Variants in TNS1 observed in about 807,000 individuals in gnomAD.
TNS1 encodes tensin-1.
A neutral mutation model predicts 168.6 loss-of-function variants in TNS1; 62 were observed. The ratio of observed to expected loss-of-function variants is 0.37; its 90% CI spans 0.30 to 0.45. TNS1 has a LOEUF of 0.45. Ranked by LOEUF, TNS1 falls within the 20% of genes least tolerant of loss-of-function variation. The pLI, the probability that TNS1 is intolerant of heterozygous loss-of-function variation, is 1.00. For synonymous variants in TNS1, 934 were observed against 933.2 expected (o/e 1.00, Z -0.02); for missense variants, 2,240 against 2,339.4 (o/e 0.96, Z 0.88).
Position 217,804,580 on chromosome 2 carries a change from T to G in TNS1, c.5399A>C (p.Lys1800Thr). ...PAKLFGFVAR[K>T]QGSTTDNACH... ...GGCGTTGTCCGTGGTGCTGCCCTGC[T>G]TCCGGGCCACGAAGCCGAAGAGCCT... is the stretch of plus-strand genomic sequence containing the variant. The change falls in exon 33 of 33, where the codon AAG (lysine) becomes ACG (threonine). Residue 1800 changes from lysine (K) to threonine (T), a missense_variant. This residue lies in a region of TNS1 where 109 missense variants were observed against 168.1 expected (regional missense o/e 0.65). Coordinates refer to ENST00000682258, the MANE Select transcript of TNS1 (RefSeq NM_001387777.1). The G allele has an allele frequency of 6.2e-7, 1 of 1,614,100 alleles. No homozygotes were observed. Among genetic ancestry groups the G allele is most frequent in the South Asian group, 1.1e-5 (1 of 91,078 alleles).
intron 3 of TNS1, among the ~76,000 whole-genome samples, chr2:217,943,342 A>C (rs2125948322): frequency 6.6e-6 from 1 of 152,272 alleles, no homozygotes; most frequent in Admixed American, 6.5e-5. Flanking sequence ...TCAGGGAGCT[A>C]AGTGAGCCCC....
chr2:218,029,120 A>T (rs889707512), intron 1 of TNS1, among the ~76,000 whole-genome samples: 6 of 152,372 alleles, frequency 3.9e-5, no homozygotes, highest in African/African-American at 1.4e-4. Flanking sequence ...CTGCCCCCAG[A>T]GAGTGAGTAA....
rs149742199 is a variant in TNS1, at chr2:217,877,887, G to A, written c.1429+3011C>T. On this transcript the variant is annotated intron_variant, in intron 18 of 32. Transcript: ENST00000682258. ...ACATCTGCTGCTGACTGCCTGGCTG[G>A]GTGCTCCCTGCCCCCCTCCTCCAAG... Among the ~76,000 whole-genome samples the A allele has an allele frequency of 2.7e-3, 408 of 152,242 alleles. 2 individuals are homozygous for A. The highest frequency in any genetic ancestry group is 9.1e-3 in the African/African-American group (380 of 41,538).
Position 217,800,791 on chromosome 2 carries a change from CAAAAGTAGGAGTGAGACTA to C in TNS1, c.*3649_*3667del, listed in dbSNP as rs1195508495. The C allele has an allele frequency of 1.6e-4, 25 of 151,920 alleles. No individual in the cohort carries two copies. Among genetic ancestry groups the C allele is most frequent in the African/African-American group, 5.8e-4 (24 of 41,286 alleles). 9.4% of individuals were successfully genotyped at this position (151,920 alleles called of 1,614,324 possible). A position where few individuals can be genotyped will look rare whatever the true frequency, so the allele number is the denominator to read the frequency against. On this transcript the variant is annotated 3_prime_UTR_variant, in exon 33 of 33. Transcript: ENST00000682258. ...AGATCCAGGAGGCAGGGGTGGTGGA[CAAAAGTAGGAGTGAGACTA>C]AAAAGTGGGAGTGAGACTAGATTTG... is the stretch of plus-strand genomic sequence containing the variant.
chr2:217,849,221 T>G, intron 18 of TNS1, 134 bp from the exon 19 acceptor site: 1 of 1,085,742 alleles, frequency 9.2e-7, no homozygotes, highest in Non-Finnish European at 1.3e-6. Flanking sequence ...CTCACCACCC[T>G]GAGGTGGGGA....
intron 3 of TNS1, among the ~76,000 whole-genome samples, chr2:217,955,364 A>G (rs1957336766): frequency 6.6e-6 from 1 of 152,244 alleles, no homozygotes. Context: ...CCTCAGAGAC[A>G]TCCACGCAGG....
chr2:217,990,948 A>G lies in TNS1; in HGVS notation c.142T>C (p.Cys48Arg). Residue 48 changes from cysteine (C) to arginine (R), a missense_variant, in exon 2 of 33, where the codon TGC (cysteine) becomes CGC (arginine). Physicochemically the swap from Cys to Arg is radical, Grantham distance 180 (BLOSUM62 -3). This residue lies in a region of TNS1 where 2,131 missense variants were observed against 2,171.2 expected (regional missense o/e 0.98). Coordinates refer to ENST00000682258, the MANE Select transcript of TNS1 (RefSeq NM_001387777.1). Reference sequence around the variant, plus strand: ...AGCCCAGACCGCTGCTCACCTTTGCAGGTGCAGCCTTCCTGGGTGATGACC... The same window carrying G: ...AGCCCAGACCGCTGCTCACCTTTGCGGGTGCAGCCTTCCTGGGTGATGACC... ...RQVITQEGCT[C>R]KVCSFSCHRK... The G allele has an allele frequency of 1.5e-6, 1 of 669,140 alleles. No homozygotes were observed. Among genetic ancestry groups the G allele is most frequent in the Non-Finnish European group, 2.8e-6 (1 of 362,596 alleles). 41.5% of individuals were successfully genotyped at this position (669,140 alleles called of 1,614,324 possible).
In TNS1 at chr2:218,033,341, G is replaced by A. The variant is rs150144138; in HGVS notation, c.156+479C>T. On this transcript the variant is annotated intron_variant, in intron 1 of 1. Coordinates refer to the TNS1 transcript ENST00000649572. The surrounding 1 kb of genome is among the most constrained non-coding windows in gnomAD (Gnocchi z 4.3). ...TCTGAGACTTACCCAGCACAGAGAA[G>A]GCAGGGGTGAGAGGCCAGCCTGTCC... is the stretch of plus-strand genomic sequence containing the variant. Among the ~76,000 whole-genome samples, 27 of 152,264 alleles carry A rather than the reference G, an allele frequency of 1.8e-4. No homozygotes were observed. Among genetic ancestry groups the A allele is most frequent in the Admixed American group, 1.5e-3 (23 of 15,298 alleles).
intron 3 of TNS1, among the ~76,000 whole-genome samples, chr2:217,943,184 G>C (rs1444918653): frequency 6.6e-6 from 1 of 152,220 alleles, no homozygotes; most frequent in Non-Finnish European, 1.5e-5. Flanking sequence ...AAGGGCTAGT[G>C]GTTGGAGAGG....
chr2:217,904,537 C>T (rs1336936324), intron 6 of TNS1, among the ~76,000 whole-genome samples: 1 of 152,182 alleles, frequency 6.6e-6, no homozygotes, highest in Non-Finnish European at 1.5e-5. Context: ...CACTTGCTTA[C>T]CTTTCCAAAG....
intron 3 of TNS1, among the ~76,000 whole-genome samples, chr2:217,925,986 G>A (rs187112248): frequency 6.6e-6 from 1 of 152,166 alleles, no homozygotes; most frequent in Non-Finnish European, 1.5e-5. Context: ...AGTAGCCTCA[G>A]AATGTGACTG....
chr2:217,897,029 G>C (rs1435710202), intron 8 of TNS1, among the ~76,000 whole-genome samples: 1 of 152,142 alleles, frequency 6.6e-6, no homozygotes, highest in African/African-American at 2.4e-5. Flanking sequence ...TGGATAGAAA[G>C]GGCCACCTCA....
At chr2:217,929,324 A>C (rs1559368397) in intron 3 of TNS1, among the ~76,000 whole-genome samples, 1 of 152,136 alleles carries the variant, frequency 6.6e-6, no homozygotes, top group African/African-American at 2.4e-5. Context: ...GGAAGCTGGG[A>C]GAGGTGAGGC....
intron 3 of TNS1, among the ~76,000 whole-genome samples, chr2:217,975,040 C>G (rs1957861241): frequency 6.6e-6 from 1 of 152,222 alleles, no homozygotes; most frequent in African/African-American, 2.4e-5. Context: ...TGGGTTCTGC[C>G]TTGCTCTCTC....
At chr2:218,030,355 C>T (rs1958881717) in intron 1 of TNS1, among the ~76,000 whole-genome samples, 2 of 152,226 alleles carry the variant, frequency 1.3e-5, no homozygotes, top group Non-Finnish European at 1.5e-5. Flanking sequence ...GGTGCAATCC[C>T]TCTGGAATCC....
intron 17 of TNS1, 200 bp from the exon 18 acceptor site, chr2:217,881,214 TG>T: frequency 1.7e-6 from 1 of 577,640 alleles, no homozygotes; most frequent in Non-Finnish European, 3.1e-6. Flanking sequence ...CTCACATTCT[TG>T]AAAAGGCTCA....
intron 12 of TNS1, among the ~76,000 whole-genome samples, chr2:217,889,646 A>G (rs1459249281): frequency 6.6e-6 from 1 of 152,170 alleles, no homozygotes; most frequent in Non-Finnish European, 1.5e-5. Context: ...TCTAGCCATC[A>G]TAGTTTGCCT....
chr2:217,835,393 T>A (rs1371164104), intron 20 of TNS1, among the ~76,000 whole-genome samples: 1 of 152,224 alleles, frequency 6.6e-6, no homozygotes, highest in Non-Finnish European at 1.5e-5. Context: ...CTGGCTTTTA[T>A]AGGCCAGTAC....
chr2:218,031,135 T>TGTGTGTGA (rs1553628687), intron 1 of TNS1, among the ~76,000 whole-genome samples: 21 of 139,900 alleles, frequency 1.5e-4, no homozygotes, highest in Middle Eastern at 3.8e-3. Flanking sequence ...TCTGTGTGTG[T>TGTGTGTGA]GTGTGTATGT....
Sources: allele counts gnomAD v4.1 joint callset (sites outside exome capture counted in the v4.1 genomes callset), GRCh38; gene constraint gnomAD v4.1.1; regional missense constraint gnomAD v4.1.1; non-coding constraint Gnocchi (gnomAD v3.1); transcripts MANE v1.5; gene names NCBI Gene and HGNC (gene_info 2026-07-23, HGNC 2026-07-21).